The following SLIT1 variants were observed in gnomAD, a reference collection of about 807,000 sequenced individuals.
SLIT1 encodes the protein slit guidance ligand 1, also known as slit homolog 1 protein.
A neutral mutation model predicts 186.1 loss-of-function variants in SLIT1; 66 were observed. That is an observed-to-expected ratio of 0.35 (90% CI 0.29 to 0.44). The LOEUF is 0.44. Ranked by LOEUF, SLIT1 falls within the 20% of genes least tolerant of loss-of-function variation. The pLI, the probability that SLIT1 is intolerant of heterozygous loss-of-function variation, is 1.00. For missense variants in SLIT1, 1,638 were observed against 2,037.4 expected (o/e 0.80, Z 3.77); for synonymous variants, 761 against 833.8 (o/e 0.91, Z 1.50).
At chr10:97,023,387 T>C (rs1416170724) in intron 25 of SLIT1, among the ~76,000 whole-genome samples, 2 of 151,914 alleles carry the variant, frequency 1.3e-5, no homozygotes, top group Non-Finnish European at 2.9e-5. Context: ...GGTGTGAGAA[T>C]TTCTCTAGAA....
At chr10:97,154,508 T>C (rs1849921942) in intron 4 of SLIT1, 2 of 152,304 alleles carry the variant, frequency 1.3e-5, no homozygotes, top group Admixed American at 1.3e-4. Context: ...AAATGTTTCC[T>C]GCTGAGAGTA....
chr10:97,001,231 C>T lies in SLIT1; in HGVS notation c.4486G>A (p.Gly1496Ser). 2 of 1,613,186 alleles carry T rather than the reference C, an allele frequency of 1.2e-6. No homozygotes were observed. Among genetic ancestry groups the T allele is most frequent in the African/African-American group, 2.7e-5 (2 of 75,076 alleles). Reference protein sequence around the residue: ...VECRGSCPGQGCCQGLRLKRR... With the variant: ...VECRGSCPGQSCCQGLRLKRR... Reference sequence around the variant, plus strand: ...TTCAGCCGAAGGCCCTGGCAGCAGCCCTGGCCTGGGCACGAGCCCCGGCAC... The same window carrying T: ...TTCAGCCGAAGGCCCTGGCAGCAGCTCTGGCCTGGGCACGAGCCCCGGCAC... The change falls in exon 37 of 37, where the codon GGC becomes AGC. Residue 1496 changes from glycine to serine, a missense_variant. Gly to Ser is a moderately conservative substitution (Grantham distance 56). Around this residue, in one of 3 missense-constraint regions of SLIT1, gnomAD observed 220 missense variants for 211.3 expected, o/e 1.04. Coordinates refer to ENST00000266058, the MANE Select transcript of SLIT1 (RefSeq NM_003061.3).
At chr10:97,073,220 A>C (rs888140099) in intron 4 of SLIT1, among the ~76,000 whole-genome samples, 3 of 151,658 alleles carry the variant, frequency 2.0e-5, no homozygotes, top group South Asian at 2.1e-4. Flanking sequence ...CTGTGTGGAA[A>C]CCCCCCAAAA....
At chr10:97,155,204 T>C (rs551986452) in intron 4 of SLIT1, 21 of 152,356 alleles carry the variant, frequency 1.4e-4, no homozygotes, top group Admixed American at 1.2e-3. Context: ...GTAAGAGAAA[T>C]GGGCTCTGAA....
intron 4 of SLIT1, among the ~76,000 whole-genome samples, chr10:97,086,357 G>A (rs554640939): frequency 2.0e-5 from 3 of 152,158 alleles, no homozygotes; most frequent in African/African-American, 4.8e-5. Flanking sequence ...ATCACCTGAG[G>A]TCAGGACTTT....
In SLIT1 at chr10:97,032,669, A is replaced by C. The variant is rs1443529602; in HGVS notation, c.2439-992T>G. Reference sequence around the variant, plus strand: ...CACTGTCCCAAAATGCTTCCAAGTAACTGAATCCATCCAGGGCAGACAGGC... The same window carrying C: ...CACTGTCCCAAAATGCTTCCAAGTACCTGAATCCATCCAGGGCAGACAGGC... On this transcript the variant is annotated intron_variant, in intron 23 of 36. Transcript: ENST00000266058. Among the ~76,000 whole-genome samples, 8 of 152,278 alleles carry C rather than the reference A, an allele frequency of 5.3e-5. No homozygotes were observed. In the East Asian group the frequency reaches 1.5e-3, roughly 29 times the overall value.
chr10:97,050,908 A>T (rs1848780527), intron 13 of SLIT1, among the ~76,000 whole-genome samples: 2 of 152,352 alleles, frequency 1.3e-5, no homozygotes, highest in South Asian at 4.1e-4. Context: ...TACAAACTTT[A>T]GTATTTTATA....
intron 5 of SLIT1, chr10:97,065,770 C>T (rs1207124655): frequency 2.1e-6 from 1 of 471,238 alleles, no homozygotes; most frequent in Non-Finnish European, 3.9e-6. Flanking sequence ...ACACGCTTCA[C>T]CAGGTCCCCA....
rs115074019 is a variant in SLIT1 at position 97,104,302 on chromosome 10, G to A, written c.414-38216C>T. Among the ~76,000 whole-genome samples, 165 of 152,246 alleles carry A rather than the reference G, an allele frequency of 1.1e-3. 1 individual carries two copies. The highest frequency in any genetic ancestry group is 3.6e-3 in the African/African-American group (148 of 41,552). On this transcript the variant is annotated intron_variant, in intron 4 of 36. Transcript: ENST00000266058. The stretch of plus-strand genomic sequence containing the variant: ...CTTAGTGTTCATGGAAAAGCAAGGA[G>A]TCCAGGGTCGCTGGAGTGAGAAAGG...
chr10:97,064,103 C>A, intron 7 of SLIT1, 65 bp downstream of exon 7: 1 of 1,345,240 alleles, frequency 7.4e-7, no homozygotes, highest in Non-Finnish European at 1.0e-6. Flanking sequence ...CACCTCCTGC[C>A]CCACCCACCC....
intron 22 of SLIT1, among the ~76,000 whole-genome samples, chr10:97,035,127 T>TCTC (rs74674816): frequency 0.45 from 68,380 of 151,708 alleles, 16,478 homozygotes; most frequent in African/African-American, 0.62. Context: ...TGATCTCTCT[T>TCTC]CTCTTCTCAA....
At chr10:97,007,350 T>G (rs1393040027) in intron 31 of SLIT1, among the ~76,000 whole-genome samples, 1 of 152,128 alleles carries the variant, frequency 6.6e-6, no homozygotes, top group Non-Finnish European at 1.5e-5. Flanking sequence ...ACTGGTGAAT[T>G]CTACCAAACA....
At chr10:97,081,982 C>T (rs1265174521) in intron 4 of SLIT1, among the ~76,000 whole-genome samples, 1 of 152,254 alleles carries the variant, frequency 6.6e-6, no homozygotes, top group Non-Finnish European at 1.5e-5. Flanking sequence ...AGAGTCTGAT[C>T]CATAACACAC....
At position 97,031,694 on chromosome 10, in the gene SLIT1, T is replaced by C. The variant is rs145625707; in HGVS notation, c.2439-17A>G. 1.1e-4 allele frequency: 171 copies of C among 1,547,722 alleles called. No homozygotes were observed. In the East Asian group the frequency reaches 3.8e-3, roughly 35 times the overall value. On this transcript the variant is annotated splice_polypyrimidine_tract_variant and intron_variant, in intron 23 of 36. Coordinates refer to ENST00000266058, the MANE Select transcript of SLIT1 (RefSeq NM_003061.3). ...CTGAGGATCCTGCGGAGGAAGGAGA[T>C]GGAGGAAGGGCACTGTGTTAGTGCC...
intron 22 of SLIT1, among the ~76,000 whole-genome samples, chr10:97,037,090 GTGTGTGTGTA>G (rs1249366878): frequency 2.2e-4 from 32 of 148,136 alleles, no homozygotes; most frequent in Middle Eastern, 3.4e-3. Flanking sequence ...GTGTGTGTGT[GTGTGTGTGTA>G]TGTGTGTGTG....
At position 97,163,415 on chromosome 10, in the gene SLIT1, A is replaced by G; in HGVS notation, c.306T>C (p.Arg102=). ...LMENQIGAVE[R]GAFDDMKELE... The stretch of plus-strand genomic sequence containing the variant: ...GCTCCTTCATGTCATCAAAAGCACC[A>G]CGTTCCACTGCTCCAATCTGGTTCT... The change falls in exon 3 of 37, where the codon CGT becomes CGC. Residue 102 remains arginine (R), a synonymous_variant. Coordinates refer to ENST00000266058, the MANE Select transcript of SLIT1 (RefSeq NM_003061.3). The G allele has an allele frequency of 6.2e-7, 1 of 1,614,150 alleles. No homozygotes were observed. The highest frequency in any genetic ancestry group is 8.5e-7 in the Non-Finnish European group (1 of 1,180,002).
intron 32 of SLIT1, among the ~76,000 whole-genome samples, chr10:97,005,096 G>A (rs1327503292): frequency 6.6e-6 from 1 of 152,168 alleles, no homozygotes; most frequent in Admixed American, 6.5e-5. Flanking sequence ...GTGCCAGGAA[G>A]AGCAGCCAGG....
chr10:97,100,890 G>C (rs1347024399), intron 4 of SLIT1, among the ~76,000 whole-genome samples: 1 of 152,220 alleles, frequency 6.6e-6, no homozygotes, highest in Non-Finnish European at 1.5e-5. Flanking sequence ...TGCTCAGGGA[G>C]GGGAGGAAAA....
chr10:97,127,741 A>G (rs1442162691), intron 4 of SLIT1, among the ~76,000 whole-genome samples: 2 of 152,170 alleles, frequency 1.3e-5, no homozygotes, highest in African/African-American at 4.8e-5. Context: ...AAAGTAAGAA[A>G]GCACAGCGGA....
Sources: allele counts gnomAD v4.1 joint callset (sites outside exome capture counted in the v4.1 genomes callset), GRCh38; gene constraint gnomAD v4.1.1; regional missense constraint gnomAD v4.1.1; transcripts MANE v1.5; gene names NCBI Gene and HGNC (gene_info 2026-07-23, HGNC 2026-07-21).